ZNF341: variants seen among roughly 807,000 people sequenced by gnomAD.
ZNF341 encodes the protein zinc finger protein 341.
In ZNF341, 52 loss-of-function variants were observed where a neutral mutation model predicts 87.7. The observed-to-expected ratio is 0.59, with a 90% CI of 0.47 to 0.75. The LOEUF is 0.75. Ranked by LOEUF, ZNF341 falls within the 30% of genes least tolerant of loss-of-function variation. The pLI is 0.00. For synonymous variants in ZNF341, 459 were observed against 472.7 expected, an observed-to-expected ratio of 0.97 and a Z score of 0.38; for missense variants, 977 against 1,145.9, an observed-to-expected ratio of 0.85 and a Z score of 2.13.
At chr20:33,764,881 C>T (rs992955617) in intron 8 of ZNF341, among the ~76,000 whole-genome samples, 2 of 151,842 alleles carry the variant, frequency 1.3e-5, no homozygotes, top group Non-Finnish European at 2.9e-5. Context: ...GACTGGAGTG[C>T]AGTGGTGCAA....
chr20:33,776,957 G>A (rs2019639317), intron 10 of ZNF341, among the ~76,000 whole-genome samples: 1 of 152,030 alleles, frequency 6.6e-6, no homozygotes, highest in Non-Finnish European at 1.5e-5. Flanking sequence ...ATCACACCTG[G>A]CCTGTATTTC....
intron 12 of ZNF341, among the ~76,000 whole-genome samples, chr20:33,785,074 A>G (rs1258881595): frequency 2.0e-5 from 3 of 152,142 alleles, no homozygotes; most frequent in African/African-American, 7.2e-5. Context: ...TATTAGTTAA[A>G]TTTTTTAATT....
chr20:33,765,145 A>G (rs1221046856), intron 8 of ZNF341, among the ~76,000 whole-genome samples: 2 of 152,030 alleles, frequency 1.3e-5, no homozygotes, highest in African/African-American at 4.8e-5. Context: ...TCAAGTTCTC[A>G]GTAGCCACGT....
At chr20:33,733,159 G>T (rs1174858264) in intron 1 of ZNF341, among the ~76,000 whole-genome samples, 1 of 147,780 alleles carries the variant, frequency 6.8e-6, no homozygotes, top group East Asian at 2.0e-4. Flanking sequence ...CGATTCTCGT[G>T]CCTCCGCCTC....
At chr20:33,751,842 T>A (rs543256088) in intron 4 of ZNF341, among the ~76,000 whole-genome samples, 2 of 152,242 alleles carry the variant, frequency 1.3e-5, no homozygotes, top group African/African-American at 4.8e-5. Flanking sequence ...GTGTTGAGAT[T>A]ACAGGTGTTA....
intron 9 of ZNF341, 29 bp downstream of exon 9, chr20:33,767,070 C>T: frequency 6.3e-7 from 1 of 1,595,602 alleles, no homozygotes; most frequent in African/African-American, 1.3e-5. Context: ...CAGGGGCCCA[C>T]ACCACACCAG....
chr20:33,770,743 G>A (rs2019514064), intron 10 of ZNF341, among the ~76,000 whole-genome samples: 1 of 152,128 alleles, frequency 6.6e-6, no homozygotes, highest in African/African-American at 2.4e-5. Flanking sequence ...TACTTTGGGA[G>A]GCCAAGGCAG....
In ZNF341 at chr20:33,742,258, G is replaced by A. The variant is rs189331254; in HGVS notation, c.142+1246G>A. Among the ~76,000 whole-genome samples the A allele has an allele frequency of 2.3e-3, 356 of 152,114 alleles. 1 individual carries two copies. The highest frequency in any genetic ancestry group is 8.1e-3 in the African/African-American group (337 of 41,506). On this transcript the variant is annotated intron_variant, in intron 2 of 14. Coordinates refer to ENST00000375200, the MANE Select transcript of ZNF341 (RefSeq NM_001282933.2). ...GTCGCCCAGGCTGGAGTGCAGTGGC[G>A]CGATCTCGGCTCACTGCAACCTCCG...
chr20:33,770,033 G>C, intron 9 of ZNF341, 51 bp from the exon 10 acceptor site: 1 of 1,337,768 alleles, frequency 7.5e-7, no homozygotes, highest in Non-Finnish European at 1.1e-6. Context: ...AGGGGCTGCA[G>C]TGGAGGAAGC....
chr20:33,785,846 C>A (rs921001377), intron 12 of ZNF341, among the ~76,000 whole-genome samples: 2 of 151,984 alleles, frequency 1.3e-5, no homozygotes, highest in African/African-American at 4.8e-5. Context: ...TTATCATATA[C>A]CTTGGCGATG....
intron 10 of ZNF341, among the ~76,000 whole-genome samples, chr20:33,776,928 G>T (rs956459094): frequency 5.3e-5 from 8 of 151,998 alleles, no homozygotes; most frequent in African/African-American, 1.7e-4. Context: ...CCAAAGTGCT[G>T]GGATTACAGG....
chr20:33,753,029 C>T, intron 4 of ZNF341, 143 bp from the exon 5 acceptor site: 1 of 1,214,512 alleles, frequency 8.2e-7, no homozygotes, highest in Non-Finnish European at 1.2e-6. Context: ...CTTTGTTTCC[C>T]CAACCTCTCT....
chr20:33,787,441 T>A (rs2019891049), intron 12 of ZNF341: 1 of 152,166 alleles, frequency 6.6e-6, no homozygotes, highest in Admixed American at 6.5e-5. Flanking sequence ...CCGTATCGAC[T>A]GGGTTGATGG....
At position 33,732,125 on chromosome 20, in the gene ZNF341, C is replaced by A; in HGVS notation, c.31+73C>A. 1 of 1,042,112 alleles carries A rather than the reference C, an allele frequency of 9.6e-7. No homozygotes were observed. The highest frequency in any genetic ancestry group is 1.2e-6 in the Non-Finnish European group (1 of 863,898). 64.6% of individuals were successfully genotyped at this position (1,042,112 alleles called of 1,614,324 possible). On this transcript the variant is annotated intron_variant, in intron 1 of 14. Transcript: ENST00000375200. This position sits in a 1 kb window ranked among gnomAD's most constrained non-coding sequence, Gnocchi z 4.5. ...CCTCCCGCCGCGCCCTCGCAGCGCC[C>A]GGCCTAGGGCGCGCAGCGGCCGCGG...
At chr20:33,765,511 T>G (rs1357942765) in intron 8 of ZNF341, among the ~76,000 whole-genome samples, 1 of 151,784 alleles carries the variant, frequency 6.6e-6, no homozygotes, top group Non-Finnish European at 1.5e-5. Context: ...CCTGGGTAGG[T>G]GGGACCACCG....
rs948488032 is a variant in ZNF341 at position 33,791,186 on chromosome 20, G to A, written c.2234G>A (p.Arg745Gln). ...AAGGACAAGGACCTGCAAACCCGGC[G>A]GCCCCCCCAGAGGAGGGCAGCCCCC... ...PQKDKDLQTR[R>Q]PPQRRAAPRS... is the part of the protein sequence containing the mutation. The change falls in exon 15 of 15, where the codon CGG becomes CAG. Residue 745 changes from arginine to glutamine, a missense_variant. Arg to Gln is a conservative substitution (Grantham distance 43). Coordinates refer to ENST00000375200, the MANE Select transcript of ZNF341 (RefSeq NM_001282933.2). 2.0e-5 allele frequency: 32 copies of A among 1,612,878 alleles called. No individual in the cohort carries two copies. The African/African-American group carries it at 3.1e-4, about 15-fold the overall frequency.
In ZNF341 at chr20:33,732,261, A is replaced by T. The variant is rs1310094216; in HGVS notation, c.31+209A>T. 1.2e-4 allele frequency among the ~76,000 whole-genome samples: 18 copies of T among 147,982 alleles called. No homozygotes were observed. In the South Asian group the frequency reaches 1.7e-3, roughly 14 times the overall value. On this transcript the variant is annotated intron_variant, in intron 1 of 14. Coordinates refer to ENST00000375200, the MANE Select transcript of ZNF341 (RefSeq NM_001282933.2). The surrounding 1 kb of genome is among the most constrained non-coding windows in gnomAD (Gnocchi z 4.5). ...CTCCGGGGCCGGAACAGCCGGGGAG[A>T]GCCAGGCCGGCGGGGAGGGGGCTCG...
At chr20:33,748,514 G>A (rs1203835281) in intron 3 of ZNF341, among the ~76,000 whole-genome samples, 1 of 152,000 alleles carries the variant, frequency 6.6e-6, no homozygotes, top group Non-Finnish European at 1.5e-5. Flanking sequence ...CCAGCTGCGT[G>A]CAAAACCACA....
chr20:33,742,653 T>C (rs6059445), intron 2 of ZNF341, among the ~76,000 whole-genome samples: 5,132 of 150,926 alleles, frequency 0.034, 298 homozygotes, highest in African/African-American at 0.12. Flanking sequence ...AAAATAGAGA[T>C]AGGGTCTCTC....
Sources: allele counts gnomAD v4.1 joint callset (sites outside exome capture counted in the v4.1 genomes callset), GRCh38; gene constraint gnomAD v4.1.1; non-coding constraint Gnocchi (gnomAD v3.1); transcripts MANE v1.5; gene names NCBI Gene and HGNC (gene_info 2026-07-23, HGNC 2026-07-21).